The following ZNF250 variants were observed in gnomAD, a reference collection of about 807,000 sequenced individuals.
The protein encoded by ZNF250 is zinc finger protein 250, also known as zinc finger protein (clone 647).
Under a neutral mutation model 37.1 loss-of-function variants are expected in ZNF250, and 13 were observed. The ratio of observed to expected loss-of-function variants is 0.35; its 90% CI spans 0.23 to 0.56. ZNF250 has a LOEUF of 0.56. Among genes scored for constraint, ZNF250 ranks in the 20% least tolerant of loss-of-function variants. The pLI is 0.87. For synonymous variants in ZNF250, 251 were observed against 265.6 expected (o/e 0.94, Z 0.54); for missense variants, 474 against 697.9 (o/e 0.68, Z 3.61).
At chr8:144,898,468 A>G (rs11987449) in intron 1 of ZNF250, among the ~76,000 whole-genome samples, 1,714 of 152,322 alleles carry the variant, frequency 0.011, 26 homozygotes, top group African/African-American at 0.039. Context: ...AACCTTAGAA[A>G]TGCAGAGTCC....
intron 1 of ZNF250, among the ~76,000 whole-genome samples, chr8:144,893,291 A>G (rs1469725703): frequency 6.6e-6 from 1 of 151,938 alleles, no homozygotes; most frequent in African/African-American, 2.4e-5. Flanking sequence ...CTCCTGCCAC[A>G]CCCTGACCCT....
chr8:144,886,452 C>A (rs1413078884), intron 5 of ZNF250, among the ~76,000 whole-genome samples: 1 of 152,210 alleles, frequency 6.6e-6, no homozygotes, highest in Non-Finnish European at 1.5e-5. Context: ...GCCAAACTTG[C>A]CTGCACCTTG....
chr8:144,893,127 T>G (rs954786170), intron 1 of ZNF250, among the ~76,000 whole-genome samples: 2 of 152,006 alleles, frequency 1.3e-5, no homozygotes, highest in Non-Finnish European at 2.9e-5. Context: ...CCTCCCAAAG[T>G]GCTGGGATTA....
chr8:144,899,509 T>C (rs1832966075), intron 1 of ZNF250, among the ~76,000 whole-genome samples: 1 of 152,204 alleles, frequency 6.6e-6, no homozygotes, highest in South Asian at 2.1e-4. Context: ...TAAATGTGTA[T>C]AATTATTATA....
Position 144,881,144 on chromosome 8 carries a change from T to C in ZNF250, c.*371A>G. The C allele has an allele frequency of 5.4e-6, 1 of 185,208 alleles. No homozygotes were observed. The highest frequency in any genetic ancestry group is 1.1e-5 in the Non-Finnish European group (1 of 87,856). The allele number at this position is 185,208 out of a possible 1,614,324, so 11.5% of individuals were successfully genotyped here. ...TTAATTGATATTTAGGAAGGGCATG[T>C]AATGTTCTTAGAAAAAGAACTTTAT... On this transcript the variant is annotated 3_prime_UTR_variant, in exon 6 of 6. Transcript: ENST00000417550.
rs781289200 is a variant in ZNF250 at position 144,882,066 on chromosome 8, C to T, written c.1117G>A (p.Asp373Asn). Reference protein sequence around the residue: ...TCSECGKAFSDRSVLIQHHNV... With the variant: ...TCSECGKAFSNRSVLIQHHNV... Reference sequence around the variant, plus strand: ...TGGTGCTGAATGAGGACTGAGCGGTCGCTGAAGGCCTTCCCACACTCGCTG... The same window carrying T: ...TGGTGCTGAATGAGGACTGAGCGGTTGCTGAAGGCCTTCCCACACTCGCTG... Residue 373 changes from aspartate to asparagine, a missense_variant, in exon 6 of 6, where the codon GAC (aspartate) becomes AAC (asparagine). This residue lies in a region of ZNF250 where 282 missense variants were observed against 470.4 expected (regional missense o/e 0.60). Coordinates refer to ENST00000417550, the MANE Select transcript of ZNF250 (RefSeq NM_001109689.4). This position sits in a 1 kb window ranked among gnomAD's most constrained non-coding sequence, Gnocchi z 5.5. The T allele has an allele frequency of 2.5e-6, 4 of 1,611,856 alleles. No homozygotes were observed. Among genetic ancestry groups the T allele is most frequent in the East Asian group, 2.2e-5 (1 of 44,620 alleles).
In ZNF250 at chr8:144,890,781, C is replaced by T. The variant is rs1040012967; in HGVS notation, c.-54-378G>A. Among the ~76,000 whole-genome samples the T allele has an allele frequency of 3.3e-5, 5 of 152,154 alleles. No homozygotes were observed. Among genetic ancestry groups the T allele is most frequent in the Non-Finnish European group, 4.4e-5 (3 of 68,022 alleles). ...GCCCTCACACAAGTACCAGACTGTC[C>T]GCAAGTCATGTGGGGGATACAGGCA... On this transcript the variant is annotated intron_variant, in intron 1 of 5. Transcript: ENST00000417550. The surrounding 1 kb of genome is among the most constrained non-coding windows in gnomAD (Gnocchi z 5.1).
intron 1 of ZNF250, among the ~76,000 whole-genome samples, chr8:144,893,730 G>A (rs758415676): frequency 3.3e-5 from 5 of 152,172 alleles, no homozygotes; most frequent in Non-Finnish European, 5.9e-5. Context: ...TCACACCTGG[G>A]CTGTGACTCA....
rs1831258723 is a variant in ZNF250 at position 144,878,497 on chromosome 8, C to G, written c.*3018G>C. 6.6e-6 allele frequency: 1 copy of G among 152,246 alleles called. No homozygotes were observed. The highest frequency in any genetic ancestry group is 2.4e-5 in the African/African-American group (1 of 41,462). 9.4% of individuals were successfully genotyped at this position (152,246 alleles called of 1,614,324 possible). A position where few individuals can be genotyped will look rare whatever the true frequency, so the allele number is the denominator to read the frequency against. On this transcript the variant is annotated 3_prime_UTR_variant, in exon 6 of 6. Coordinates refer to ENST00000417550, the MANE Select transcript of ZNF250 (RefSeq NM_001109689.4). ...CTCTTAAGTAACATCTCTGTGATCT[C>G]AGCTTCTAACACCTGAGGGACACCA...
At chr8:144,895,716 A>T (rs1490325841) in intron 1 of ZNF250, among the ~76,000 whole-genome samples, 2 of 149,478 alleles carry the variant, frequency 1.3e-5, no homozygotes, top group African/African-American at 2.5e-5. Flanking sequence ...ATTGCTAATT[A>T]AAAAAAAAAT....
chr8:144,898,068 G>A (rs1252133438), intron 1 of ZNF250, among the ~76,000 whole-genome samples: 1 of 152,112 alleles, frequency 6.6e-6, no homozygotes, highest in Non-Finnish European at 1.5e-5. Flanking sequence ...GATTTTGGGG[G>A]GGCCTGATCC....
intron 1 of ZNF250, among the ~76,000 whole-genome samples, chr8:144,899,964 C>T (rs935578648): frequency 6.6e-6 from 1 of 152,116 alleles, no homozygotes; most frequent in African/African-American, 2.4e-5. Flanking sequence ...TATTTGACTC[C>T]TAAAAATTTT....
At chr8:144,888,006 G>T (rs1168022557) in intron 4 of ZNF250, among the ~76,000 whole-genome samples, 1 of 152,210 alleles carries the variant, frequency 6.6e-6, no homozygotes, top group Non-Finnish European at 1.5e-5. Flanking sequence ...TGGAGGTGTT[G>T]CCCAAACTGT....
rs1439147069 is a variant in ZNF250, at chr8:144,877,329, CT to C, written c.*4185del. On this transcript the variant is annotated 3_prime_UTR_variant, in exon 6 of 6. Transcript: ENST00000417550. ...GCTCAAGCGATCCACCCACTTCAGC[CT>C]CCCAAAGTGCTGGGATTACAGGTGT... is the stretch of plus-strand genomic sequence containing the variant. 5.3e-5 allele frequency: 8 copies of C among 152,266 alleles called. No homozygotes were observed. Among genetic ancestry groups the C allele is most frequent in the Non-Finnish European group, 1.0e-4 (7 of 68,066 alleles). 9.4% of individuals were successfully genotyped at this position (152,266 alleles called of 1,614,324 possible).
intron 5 of ZNF250, among the ~76,000 whole-genome samples, chr8:144,883,436 G>A (rs977246495): frequency 7.2e-5 from 11 of 151,974 alleles, no homozygotes; most frequent in Non-Finnish European, 1.3e-4. Flanking sequence ...ACCTCCTGGG[G>A]TCAAGCGATT....
chr8:144,886,701 C>T (rs1414814519), intron 5 of ZNF250, 139 bp downstream of exon 5: 2 of 635,918 alleles, frequency 3.1e-6, no homozygotes, highest in African/African-American at 3.8e-5. Flanking sequence ...ACAAAAAGCC[C>T]CTCCCTGGTG....
intron 1 of ZNF250, among the ~76,000 whole-genome samples, chr8:144,893,627 A>C (rs1832508393): frequency 6.6e-6 from 1 of 152,108 alleles, no homozygotes; most frequent in Non-Finnish European, 1.5e-5. Context: ...CACTGCGCCT[A>C]GCCCTGCATG....
intron 5 of ZNF250, among the ~76,000 whole-genome samples, chr8:144,884,832 CAT>C (rs764276743): frequency 3.9e-4 from 60 of 152,284 alleles, no homozygotes; most frequent in African/African-American, 5.5e-4. Flanking sequence ...TCCTCACCCA[CAT>C]GTTATATTGT....
rs1007636177 is a variant in ZNF250, at chr8:144,879,576, C to A, written c.*1939G>T. The A allele has an allele frequency of 3.3e-5, 5 of 152,252 alleles. No individual in the cohort carries two copies. Among genetic ancestry groups the A allele is most frequent in the African/African-American group, 1.2e-4 (5 of 41,448 alleles). 9.4% of individuals were successfully genotyped at this position (152,252 alleles called of 1,614,324 possible). A position where few individuals can be genotyped will look rare whatever the true frequency, so the allele number is the denominator to read the frequency against. ...AGAGCAAGACCGTCTTTAAAACAAACAAAAAGGATCAATATCCTGGTGACT... is the reference window on the plus strand; with the variant it reads ...AGAGCAAGACCGTCTTTAAAACAAAAAAAAAGGATCAATATCCTGGTGACT... On this transcript the variant is annotated 3_prime_UTR_variant, in exon 6 of 6. Transcript: ENST00000417550.
Sources: gnomAD v4.1 joint callset for allele counts (sites outside exome capture counted in the v4.1 genomes callset) on GRCh38, gnomAD v4.1.1 for gene constraint, gnomAD v4.1.1 regional missense constraint, Gnocchi (gnomAD v3.1) non-coding constraint, MANE v1.5 for transcripts, NCBI Gene and HGNC (gene_info 2026-07-23, HGNC 2026-07-21) for gene names.